The following SPAG16 variants were observed in gnomAD, a reference collection of about 807,000 sequenced individuals.
SPAG16 encodes sperm associated antigen 16, also known as sperm-associated antigen 16 protein.
SPAG16 carries 86 observed loss-of-function variants against 80.4 expected under a neutral mutation model. The observed-to-expected ratio is 1.07, with a 90% CI of 0.90 to 1.28. SPAG16 has a LOEUF of 1.28. Ranked by LOEUF, SPAG16 falls within the 50% of genes most tolerant of loss-of-function variation. The pLI is 0.00. For missense variants in SPAG16, 870 were observed against 765.3 expected (o/e 1.14, Z -1.61); for synonymous variants, 294 against 265.9 (o/e 1.11, Z -1.03).
At chr2:214,373,582 A>G (rs919286477) in intron 15 of SPAG16, among the ~76,000 whole-genome samples, 1 of 152,166 alleles carries the variant, frequency 6.6e-6, no homozygotes, top group African/African-American at 2.4e-5. Flanking sequence ...GAGAGAGAGA[A>G]ATCTTAGAGC....
intron 14 of SPAG16, among the ~76,000 whole-genome samples, chr2:214,130,487 C>T (rs1186144560): frequency 6.6e-6 from 1 of 152,210 alleles, no homozygotes; most frequent in Non-Finnish European, 1.5e-5. Context: ...GATCTTTCTT[C>T]TGACATACAG....
chr2:213,309,160 C>T (rs533506629), intron 3 of SPAG16, among the ~76,000 whole-genome samples: 14 of 152,150 alleles, frequency 9.2e-5, no homozygotes, highest in African/African-American at 2.9e-4. Flanking sequence ...TTTGGATTTT[C>T]GGATTAGGGA....
intron 9 of SPAG16, among the ~76,000 whole-genome samples, chr2:213,489,641 T>G (rs2074154972): frequency 6.6e-6 from 1 of 152,098 alleles, no homozygotes; most frequent in African/African-American, 2.4e-5. Flanking sequence ...GAAAGCTTAT[T>G]TAAAAAAAGA....
chr2:213,705,089 A>G (rs1206887430), intron 10 of SPAG16, among the ~76,000 whole-genome samples: 1 of 150,848 alleles, frequency 6.6e-6, no homozygotes, highest in Non-Finnish European at 1.5e-5. Flanking sequence ...TGTCCCTACT[A>G]AAAAAAAACA....
intron 10 of SPAG16, among the ~76,000 whole-genome samples, chr2:213,584,087 C>T (rs1427289137): frequency 1.3e-5 from 2 of 152,160 alleles, no homozygotes; most frequent in Non-Finnish European, 2.9e-5. Context: ...CAACCAAGTT[C>T]TGATGTCCTT....
At chr2:213,595,931 C>A (rs754098862) in intron 10 of SPAG16, among the ~76,000 whole-genome samples, 1 of 152,030 alleles carries the variant, frequency 6.6e-6, no homozygotes, top group Non-Finnish European at 1.5e-5. Flanking sequence ...TTGTATACTT[C>A]ATCAATGTGC....
At chr2:214,259,427 G>T in intron 15 of SPAG16, among the ~76,000 whole-genome samples, 1 of 144,826 alleles carries the variant, frequency 6.9e-6, no homozygotes. Flanking sequence ...ATATGTGTGT[G>T]TATATATACA....
chr2:213,695,227 G>A (rs559110300), intron 10 of SPAG16, among the ~76,000 whole-genome samples: 1 of 152,200 alleles, frequency 6.6e-6, no homozygotes, highest in Non-Finnish European at 1.5e-5. Context: ...AGCTCCGACT[G>A]CAACTTTTTC....
chr2:214,264,874 T>A (rs1047047798), intron 15 of SPAG16, among the ~76,000 whole-genome samples: 1 of 152,190 alleles, frequency 6.6e-6, no homozygotes, highest in African/African-American at 2.4e-5. Context: ...TTTGGAATTA[T>A]ATAGTTTGTG....
chr2:214,131,649 C>G (rs1399202400), intron 14 of SPAG16, among the ~76,000 whole-genome samples: 1 of 151,772 alleles, frequency 6.6e-6, no homozygotes, highest in East Asian at 1.9e-4. Flanking sequence ...AACTATTAAG[C>G]CATGAAAAGA....
intron 7 of SPAG16, among the ~76,000 whole-genome samples, chr2:213,358,608 A>G (rs954601716): frequency 6.6e-5 from 10 of 152,148 alleles, no homozygotes; most frequent in African/African-American, 2.4e-4. Flanking sequence ...CAGCTCCATC[A>G]GGTCATTTAA....
chr2:214,356,056 A>T (rs1039472868), intron 15 of SPAG16, among the ~76,000 whole-genome samples: 2 of 149,772 alleles, frequency 1.3e-5, no homozygotes, highest in Non-Finnish European at 3.0e-5. Flanking sequence ...TAGCATTAGG[A>T]GATATACCTA....
In SPAG16 at chr2:213,696,283, A is replaced by G. The variant is rs1455992493; in HGVS notation, c.1071-166202A>G. Among the ~76,000 whole-genome samples, 3 of 152,332 alleles carry G rather than the reference A, an allele frequency of 2.0e-5. No individual in the cohort carries two copies. The East Asian group carries it at 5.8e-4, about 29-fold the overall frequency. On this transcript the variant is annotated intron_variant, in intron 10 of 15. Transcript: ENST00000331683. ...TGCAATCCTGAGTTAAGTTTTATGC[A>G]TGCTAAATTTAGATGCTTTATTAGG...
chr2:214,355,008 T>C lies in SPAG16; in HGVS notation c.1721-55132T>C, dbSNP rs376924820. 1.8e-4 allele frequency among the ~76,000 whole-genome samples: 28 copies of C among 152,254 alleles called. No individual in the cohort carries two copies. The East Asian group carries it at 4.3e-3, about 23-fold the overall frequency. ...CCCTTTATTTCCTTCTCCTGCCTAA[T>C]TGCCCTGGCCAGAACTTCAGATTAA... On this transcript the variant is annotated intron_variant, in intron 15 of 15. Transcript: ENST00000331683.
chr2:214,021,469 A>G (rs555732546), intron 13 of SPAG16, among the ~76,000 whole-genome samples: 2 of 152,240 alleles, frequency 1.3e-5, no homozygotes, highest in African/African-American at 4.8e-5. Context: ...TTTTAAAACC[A>G]TCAGATCTCA....
At chr2:214,213,264 T>C (rs1393601229) in intron 15 of SPAG16, among the ~76,000 whole-genome samples, 1 of 152,228 alleles carries the variant, frequency 6.6e-6, no homozygotes, top group African/African-American at 2.4e-5. Flanking sequence ...GCAGACTGAT[T>C]ATCCACTTAT....
At chr2:213,933,874 G>GT (rs1384529897) in intron 12 of SPAG16, among the ~76,000 whole-genome samples, 5 of 152,194 alleles carry the variant, frequency 3.3e-5, no homozygotes, top group African/African-American at 1.2e-4. Context: ...AACCTACCAA[G>GT]TTTTTGAGAG....
chr2:213,574,627 C>G (rs2060050348), intron 10 of SPAG16, among the ~76,000 whole-genome samples: 1 of 146,438 alleles, frequency 6.8e-6, no homozygotes, highest in South Asian at 2.1e-4. Context: ...AGTTGTAACT[C>G]CTTACGATCA....
chr2:213,379,488 G>A (rs920491449), intron 9 of SPAG16, among the ~76,000 whole-genome samples: 1 of 152,216 alleles, frequency 6.6e-6, no homozygotes, highest in African/African-American at 2.4e-5. Context: ...TAGCCATAAA[G>A]TGAGTGCTTT....
Sources: gnomAD v4.1 joint callset for allele counts (sites outside exome capture counted in the v4.1 genomes callset) on GRCh38, gnomAD v4.1.1 for gene constraint, MANE v1.5 for transcripts, NCBI Gene and HGNC (gene_info 2026-07-23, HGNC 2026-07-21) for gene names.